Variants in TRIM5 observed in about 807,000 individuals in gnomAD.
TRIM5 encodes tripartite motif-containing protein 5.
In TRIM5, 31 loss-of-function variants were observed where a neutral mutation model predicts 35.6. The observed-to-expected ratio is 0.87, with a 90% CI of 0.65 to 1.18. The LOEUF is 1.18. TRIM5 is among the 50% of genes most tolerant of loss of function. The pLI, the probability that TRIM5 is intolerant of heterozygous loss-of-function variation, is 0.00. For missense variants in TRIM5, 609 were observed against 591.6 expected (o/e 1.03, Z -0.31); for synonymous variants, 243 against 215.6 (o/e 1.13, Z -1.11).
intron 4 of TRIM5, among the ~76,000 whole-genome samples, chr11:5,677,723 C>A (rs112137707): frequency 3.9e-4 from 59 of 152,204 alleles, no homozygotes; most frequent in African/African-American, 1.3e-3. Flanking sequence ...GCCACCGCGC[C>A]CAGCCTTTAC....
the TRIM5 span, among the ~76,000 whole-genome samples, chr11:5,601,183 C>A: frequency 6.6e-6 from 1 of 152,176 alleles, no homozygotes; most frequent in Non-Finnish European, 1.5e-5. Context: ...ACTTCGAAAG[C>A]ACTTGGTCCA....
the TRIM5 span, among the ~76,000 whole-genome samples, chr11:5,617,572 T>C: frequency 2.6e-4 from 37 of 140,310 alleles, 3 homozygotes; most frequent in Non-Finnish European, 4.7e-4. Flanking sequence ...CACTGCAACC[T>C]TCGCCTCCCA....
the TRIM5 span, chr11:5,612,594 A>T: frequency 6.6e-6 from 1 of 152,204 alleles, no homozygotes; most frequent in African/African-American, 2.4e-5. Context: ...CACTCTCTTT[A>T]TGCGCAGGAA....
At chr11:5,641,105 C>A in the TRIM5 span, 1 of 1,502,708 alleles carries the variant, frequency 6.7e-7, no homozygotes, top group Non-Finnish European at 8.9e-7. Flanking sequence ...GTTCTTCTTT[C>A]TTTCATTAGT....
At chr11:5,608,387 A>G in the TRIM5 span, 1 of 1,613,746 alleles carries the variant, frequency 6.2e-7, no homozygotes, top group Admixed American at 1.7e-5. Flanking sequence ...GAGTGATGTC[A>G]CAGAAAGGTA....
Position 5,664,873 on chromosome 11 carries a change from A to G in TRIM5, c.1418T>C (p.Val473Ala). The G allele has an allele frequency of 6.2e-7, 1 of 1,613,648 alleles. No homozygotes were observed. Among genetic ancestry groups the G allele is most frequent in the Non-Finnish European group, 8.5e-7 (1 of 1,179,864 alleles). The stretch of plus-strand genomic sequence containing the variant: ...TTTTCTAGGATTTAAATATGGAAAT[A>G]CAGGCTGAGAAAAAGAACAGTGAGA... ...KFSHCSFSQP[V>A]FPYLNPRKCG... The change falls in exon 8 of 8, where the codon GTA (valine) becomes GCA (alanine). Residue 473 changes from valine (V) to alanine (A), a missense_variant. Val to Ala is a moderately conservative substitution (Grantham distance 64). Transcript: ENST00000380034.
chr11:5,634,598 C>T, the TRIM5 span: 1 of 1,587,934 alleles, frequency 6.3e-7, no homozygotes. Flanking sequence ...GCCTGACAAA[C>T]TTACTACAAC....
chr11:5,673,522 A>G (rs1400768012), intron 4 of TRIM5, among the ~76,000 whole-genome samples: 1 of 152,176 alleles, frequency 6.6e-6, no homozygotes, highest in African/African-American at 2.4e-5. Flanking sequence ...TAATAGAAAA[A>G]CTAGTATAAA....
At chr11:5,650,326 C>G in the TRIM5 span, among the ~76,000 whole-genome samples, 1 of 152,176 alleles carries the variant, frequency 6.6e-6, no homozygotes, top group Non-Finnish European at 1.5e-5. Flanking sequence ...ATTTCTCTTT[C>G]TAAGCAATAT....
chr11:5,642,658 T>C, the TRIM5 span: 1 of 1,378,384 alleles, frequency 7.3e-7, no homozygotes, highest in Non-Finnish European at 9.7e-7. Context: ...TGCATTTATA[T>C]GTAAGGAAAA....
chr11:5,671,062 C>CA (rs1050275748), intron 4 of TRIM5, among the ~76,000 whole-genome samples: 15 of 151,834 alleles, frequency 9.9e-5, no homozygotes, highest in African/African-American at 3.6e-4. Context: ...CCCATCTCTA[C>CA]AAAAAATACA....
In TRIM5 at chr11:5,666,091, A is replaced by T. The variant is rs1212192175; in HGVS notation, c.768-10T>A. 1.4e-5 allele frequency: 6 copies of T among 418,146 alleles called. No homozygotes were observed. Among genetic ancestry groups the T allele is most frequent in the Non-Finnish European group, 1.7e-5 (5 of 297,690 alleles). 25.9% of individuals were successfully genotyped at this position (418,146 alleles called of 1,614,324 possible). ...GGTCACGTTCTCCGTCCTAAGAATT[A>T]AAAAAAAAAAAAAAAACTTCCAAAC... On this transcript the variant is annotated splice_polypyrimidine_tract_variant and intron_variant, in intron 5 of 7. Coordinates refer to ENST00000380034, the MANE Select transcript of TRIM5 (RefSeq NM_033034.3).
At chr11:5,662,445 C>T (rs564077327), downstream of TRIM5, among the ~76,000 whole-genome samples, 80 of 123,580 alleles carry the variant, frequency 6.5e-4, no homozygotes, top group Non-Finnish European at 1.4e-3. Flanking sequence ...GCCTTTGTTA[C>T]TTTAATGAAG....
chr11:5,623,105 CTTTTTTTT>C, the TRIM5 span, among the ~76,000 whole-genome samples: 219 of 106,860 alleles, frequency 2.0e-3, 1 homozygote, highest in Middle Eastern at 5.0e-3. Flanking sequence ...CTGTCTGGAG[CTTTTTTTT>C]TTTTTTTTTT....
the TRIM5 span, among the ~76,000 whole-genome samples, chr11:5,651,507 T>C: frequency 1.3e-5 from 2 of 152,228 alleles, no homozygotes; most frequent in African/African-American, 4.8e-5. Flanking sequence ...CATTCCATGG[T>C]GTATAGGTAC....
the TRIM5 span, among the ~76,000 whole-genome samples, chr11:5,595,570 G>A: frequency 2.0e-5 from 3 of 152,110 alleles, no homozygotes; most frequent in Non-Finnish European, 2.9e-5. Context: ...TGTATTATCA[G>A]TGTAATTAAA....
Position 5,664,281 on chromosome 11 carries a change from G to A in TRIM5, c.*528C>T, listed in dbSNP as rs867016827. The A allele has an allele frequency of 2.0e-6, 2 of 985,536 alleles. No homozygotes were observed. Among genetic ancestry groups the A allele is most frequent in the Non-Finnish European group, 1.2e-6 (1 of 830,164 alleles). 61.0% of individuals were successfully genotyped at this position (985,536 alleles called of 1,614,324 possible). On this transcript the variant is annotated 3_prime_UTR_variant, in exon 8 of 8. Transcript: ENST00000380034. ...GTATGTTATTCACAGTTACACTGCT[G>A]GTATATGGAGAGACAGGAGTTGAAC... is the stretch of plus-strand genomic sequence containing the variant.
At chr11:5,651,796 C>T in the TRIM5 span, among the ~76,000 whole-genome samples, 1 of 152,164 alleles carries the variant, frequency 6.6e-6, no homozygotes, top group East Asian at 1.9e-4. Flanking sequence ...TGCAACCTCA[C>T]CAGCATCTAT....
the TRIM5 span, among the ~76,000 whole-genome samples, chr11:5,600,868 A>G: frequency 6.6e-6 from 1 of 152,114 alleles, no homozygotes; most frequent in Non-Finnish European, 1.5e-5. Context: ...TGGTGGCCCA[A>G]ACACAACTCC....
Sources: allele counts gnomAD v4.1 joint callset (sites outside exome capture counted in the v4.1 genomes callset), GRCh38; gene constraint gnomAD v4.1.1; transcripts MANE v1.5; gene names NCBI Gene and HGNC (gene_info 2026-07-23, HGNC 2026-07-21).